The following APBB1 variants were observed in gnomAD, a reference collection of about 807,000 sequenced individuals.
APBB1 encodes adaptor protein FE65a2.
Under a neutral mutation model 78.4 loss-of-function variants are expected in APBB1, and 22 were observed. The observed-to-expected ratio is 0.28, with a 90% CI of 0.20 to 0.40. The LOEUF is 0.40. Among genes scored for constraint, APBB1 ranks in the 10% least tolerant of loss-of-function variants. APBB1 has a pLI of 1.00. For synonymous variants in APBB1, 369 were observed against 372.7 expected (o/e 0.99, Z 0.12); for missense variants, 749 against 932.4 (o/e 0.80, Z 2.56).
chr11:6,419,236 A>T (rs1475024789), upstream of APBB1: 8 of 295,222 alleles, frequency 2.7e-5, no homozygotes, highest in Non-Finnish European at 5.0e-5. Context: ...CGGCCCTCGG[A>T]CCTCGGTGAG....
chr11:6,405,027 A>G, intron 2 of APBB1: 1 of 1,420,606 alleles, frequency 7.0e-7, no homozygotes, highest in Non-Finnish European at 9.2e-7. Flanking sequence ...AAGGGAGGAG[A>G]AAGGGAGGTT....
intron 1 of APBB1, among the ~76,000 whole-genome samples, chr11:6,417,817 G>C (rs1849159806): frequency 6.6e-6 from 1 of 152,246 alleles, no homozygotes; most frequent in South Asian, 2.1e-4. Flanking sequence ...GATTGGCAAA[G>C]AGCCATTTTT....
Position 6,395,598 on chromosome 11 carries a change from C to T in APBB1, c.2069G>A (p.Arg690His), listed in dbSNP as rs980479781. Residue 690 changes from arginine (R) to histidine (H), a missense_variant, in exon 15 of 15, where the codon CGC (arginine) becomes CAC (histidine). Physicochemically the swap from Arg to His is conservative, Grantham distance 29. Around this residue, in one of 3 missense-constraint regions of APBB1, gnomAD observed 96 missense variants for 116.0 expected, o/e 0.83. Transcript: ENST00000609360. This position sits in a 1 kb window ranked among gnomAD's most constrained non-coding sequence, Gnocchi z 5.2. Reference sequence around the variant, plus strand: ...GCCCCACAGCGACTGAACACCCCTGCGGACAGTCCACCCTACACGCCGTGC... The same window carrying T: ...GCCCCACAGCGACTGAACACCCCTGTGGACAGTCCACCCTACACGCCGTGC... ...SVARRVGWTV[R>H]RGVQSLWGSL... is the part of the protein sequence containing the mutation. 6 of 1,595,096 alleles carry T rather than the reference C, an allele frequency of 3.8e-6. No individual in the cohort carries two copies. The highest frequency in any genetic ancestry group is 1.3e-5 in the African/African-American group (1 of 74,360).
rs1319107992 is a variant in APBB1, at chr11:6,401,160, A to C, written c.1589-88T>G. The C allele has an allele frequency of 6.2e-7, 1 of 1,613,266 alleles. No homozygotes were observed. The highest frequency in any genetic ancestry group is 8.5e-7 in the Non-Finnish European group (1 of 1,179,602). ...CAGGGCATAAGCTGGACACTTGCCC[A>C]GCCGAGGCCCTACTTTCATCTCGTC... On this transcript the variant is annotated intron_variant, in intron 11 of 14. Coordinates refer to ENST00000609360, the MANE Select transcript of APBB1 (RefSeq NM_001164.5). This position sits in a 1 kb window ranked among gnomAD's most constrained non-coding sequence, Gnocchi z 4.5.
At chr11:6,396,047 C>T in intron 13 of APBB1, 53 bp downstream of exon 13, 1 of 1,599,626 alleles carries the variant, frequency 6.3e-7, no homozygotes, top group Non-Finnish European at 8.5e-7. Flanking sequence ...CCCTCACCCC[C>T]AGTCTCCCCT....
At chr11:6,398,194 C>T (rs1420082157) in intron 12 of APBB1, among the ~76,000 whole-genome samples, 1 of 152,132 alleles carries the variant, frequency 6.6e-6, no homozygotes, top group East Asian at 1.9e-4. Context: ...CACATGCAAT[C>T]CCCCTAATCC....
intron 2 of APBB1, chr11:6,404,766 T>C (rs1848721868): frequency 1.2e-5 from 19 of 1,536,228 alleles, no homozygotes; most frequent in East Asian, 2.4e-5. Flanking sequence ...TCCTGCAGGA[T>C]AATGGCCAGG....
intron 6 of APBB1, 189 bp from the exon 7 acceptor site, chr11:6,402,914 CA>C: frequency 1.2e-6 from 1 of 813,968 alleles, no homozygotes; most frequent in Non-Finnish European, 1.9e-6. Context: ...CCAGCTAGTA[CA>C]AAAAAGCACC....
chr11:6,395,280 C>T lies in APBB1; in HGVS notation c.*254G>A, dbSNP rs1252327856. On this transcript the variant is annotated 3_prime_UTR_variant, in exon 15 of 15. Coordinates refer to ENST00000609360, the MANE Select transcript of APBB1 (RefSeq NM_001164.5). This position sits in a 1 kb window ranked among gnomAD's most constrained non-coding sequence, Gnocchi z 5.2. ...CCTGGACCAGTTCCTCCTGTTCCACCTGAAACACATGGGGATGGAGAACCA... is the reference window on the plus strand; with the variant it reads ...CCTGGACCAGTTCCTCCTGTTCCACTTGAAACACATGGGGATGGAGAACCA... The T allele has an allele frequency of 1.0e-5, 4 of 392,040 alleles. No individual in the cohort carries two copies. The Admixed American group carries it at 1.2e-4, about 12-fold the overall frequency. 24.3% of individuals were successfully genotyped at this position (392,040 alleles called of 1,614,324 possible). A position where few individuals can be genotyped will look rare whatever the true frequency, so the allele number is the denominator to read the frequency against.
chr11:6,401,898 G>C lies in APBB1; in HGVS notation c.1388+79C>G, dbSNP rs767436854. On this transcript the variant is annotated intron_variant, in intron 9 of 14. Transcript: ENST00000609360. This position sits in a 1 kb window ranked among gnomAD's most constrained non-coding sequence, Gnocchi z 4.5. ...AATGGTGGAGCATAGCGGGTGGGAA[G>C]GGGCAGGGCAGAAGAGGGGAGCTTG... is the stretch of plus-strand genomic sequence containing the variant. 1 of 1,543,564 alleles carries C rather than the reference G, an allele frequency of 6.5e-7. No homozygotes were observed. Among genetic ancestry groups the C allele is most frequent in the Non-Finnish European group, 8.7e-7 (1 of 1,143,920 alleles).
intron 1 of APBB1, among the ~76,000 whole-genome samples, chr11:6,416,752 T>G (rs1849128502): frequency 6.6e-6 from 1 of 152,124 alleles, no homozygotes; most frequent in Non-Finnish European, 1.5e-5. Context: ...TCCCTTTTTT[T>G]TTTTTTTGCG....
intron 2 of APBB1, among the ~76,000 whole-genome samples, chr11:6,406,822 G>A (rs1848819448): frequency 6.6e-6 from 1 of 152,096 alleles, no homozygotes; most frequent in South Asian, 2.1e-4. Flanking sequence ...AGGGTCAGGG[G>A]CCCCTCCTGT....
chr11:6,406,427 A>T (rs553282154), intron 2 of APBB1, among the ~76,000 whole-genome samples: 1 of 152,008 alleles, frequency 6.6e-6, no homozygotes, highest in East Asian at 1.9e-4. Flanking sequence ...TTGCAAAAAC[A>T]TCATAACTGG....
At position 6,403,186 on chromosome 11, in the gene APBB1, C is replaced by T; in HGVS notation, c.1063G>A (p.Glu355Lys). 3.7e-6 allele frequency: 6 copies of T among 1,613,474 alleles called. No homozygotes were observed. Among genetic ancestry groups the T allele is most frequent in the Non-Finnish European group, 5.1e-6 (6 of 1,179,796 alleles). ...GTATTCCGTGGGGGAAGCTTCTCCTCCTCTTGGGGCAACGGCTCTGGGCTG... is the reference window on the plus strand; with the variant it reads ...GTATTCCGTGGGGGAAGCTTCTCCTTCTCTTGGGGCAACGGCTCTGGGCTG... ...SLSPEPLPQE[E>K]EKLPPRNTNP... The change falls in exon 6 of 15, where the codon GAG (glutamate) becomes AAG (lysine). Residue 355 changes from glutamate to lysine, a missense_variant. Around this residue, in one of 3 missense-constraint regions of APBB1, gnomAD observed 635 missense variants for 765.0 expected, o/e 0.83. Transcript: ENST00000609360. This position sits in a 1 kb window ranked among gnomAD's most constrained non-coding sequence, Gnocchi z 5.3.
chr11:6,402,006 G>GC (rs1361185941), intron 8 of APBB1, 24 bp from the exon 9 acceptor site: 1 of 1,588,876 alleles, frequency 6.3e-7, no homozygotes, highest in Admixed American at 1.7e-5. Flanking sequence ...CACAAGAGAG[G>GC]CAAATAACAG....
At chr11:6,415,078 T>TC (rs1849086292) in intron 1 of APBB1, among the ~76,000 whole-genome samples, 1 of 152,154 alleles carries the variant, frequency 6.6e-6, no homozygotes, top group African/African-American at 2.4e-5. Flanking sequence ...GGTGGTGTGG[T>TC]CACCAACACC....
At chr11:6,404,936 C>T in intron 2 of APBB1, 2 of 1,445,144 alleles carry the variant, frequency 1.4e-6, no homozygotes, top group Non-Finnish European at 1.8e-6. Context: ...GAGCGTCTGC[C>T]AGGCAAGATC....
At chr11:6,400,914 T>C in intron 12 of APBB1, 75 bp downstream of exon 12, 1 of 1,343,204 alleles carries the variant, frequency 7.4e-7, no homozygotes, top group Non-Finnish European at 1.1e-6. Flanking sequence ...GTAGAAGAAG[T>C]ATTGGAAGGC....
chr11:6,405,427 C>T (rs995222900), intron 2 of APBB1: 16 of 987,188 alleles, frequency 1.6e-5, no homozygotes, highest in Admixed American at 6.1e-5. Flanking sequence ...CCTCGGCAAC[C>T]GCAGCACCAG....
Sources: allele counts gnomAD v4.1 joint callset (sites outside exome capture counted in the v4.1 genomes callset), GRCh38; gene constraint gnomAD v4.1.1; regional missense constraint gnomAD v4.1.1; non-coding constraint Gnocchi (gnomAD v3.1); transcripts MANE v1.5; gene names NCBI Gene and HGNC (gene_info 2026-07-23, HGNC 2026-07-21).